The following PI4K2B variants were observed in gnomAD, a reference collection of about 807,000 sequenced individuals.
The protein encoded by PI4K2B is phosphatidylinositol 4-kinase type 2 beta.
In PI4K2B, 46 loss-of-function variants were observed where a neutral mutation model predicts 56.6. That is an observed-to-expected ratio of 0.81 (90% confidence interval 0.64 to 1.04). The LOEUF (loss-of-function observed/expected upper bound fraction) is 1.04, where lower values mean the gene tolerates loss of function less well. Ranked by LOEUF, PI4K2B falls within the 50% of genes least tolerant of loss-of-function variation. The pLI is 0.00. For missense variants in PI4K2B, 556 were observed against 607.7 expected, an observed-to-expected ratio of 0.91 and a Z score of 0.89; for synonymous variants, 211 against 223.8, an observed-to-expected ratio of 0.94 and a Z score of 0.51.
intron 1 of PI4K2B, among the ~76,000 whole-genome samples, chr4:25,234,804 G>C (rs1715179584): frequency 6.6e-6 from 1 of 152,250 alleles, no homozygotes; most frequent in Admixed American, 6.5e-5. Context: ...TCTCAGGAAA[G>C]TTCCCGGAGT....
Position 25,234,145 on chromosome 4 carries a change from G to T in PI4K2B, c.-19G>T. ...GCTGCTCTGATCTGGTCTCAGCGCG[G>T]AGGGAGCAGAGGGAGTCCATGGAGG... is the stretch of plus-strand genomic sequence containing the variant. On this transcript the variant is annotated 5_prime_UTR_variant, in exon 1 of 10. Coordinates refer to ENST00000264864, the MANE Select transcript of PI4K2B (RefSeq NM_018323.4). 1 of 1,321,166 alleles carries T rather than the reference G, an allele frequency of 7.6e-7. No homozygotes were observed. The allele number at this position is 1,321,166 out of a possible 1,614,324, so 81.8% of individuals were successfully genotyped here. A position where few individuals can be genotyped will look rare whatever the true frequency, so the allele number is the denominator to read the frequency against.
At chr4:25,244,534 A>C (rs1180862310) in intron 1 of PI4K2B, among the ~76,000 whole-genome samples, 1 of 152,156 alleles carries the variant, frequency 6.6e-6, no homozygotes, top group Non-Finnish European at 1.5e-5. Context: ...TTTCCCCATC[A>C]GAGAGAGAAT....
intron 9 of PI4K2B, among the ~76,000 whole-genome samples, chr4:25,272,991 T>C (rs1238529612): frequency 1.3e-5 from 2 of 152,222 alleles, no homozygotes; most frequent in African/African-American, 4.8e-5. Context: ...CCCTTCCAAT[T>C]TTGCTTATTA....
intron 1 of PI4K2B, among the ~76,000 whole-genome samples, chr4:25,240,296 CT>C (rs1321188091): frequency 6.6e-6 from 1 of 152,206 alleles, no homozygotes; most frequent in Non-Finnish European, 1.5e-5. Context: ...GCGAAGAGGT[CT>C]AGGCCTTGGC....
chr4:25,236,226 TAAATAAATAAA>T (rs1461617917), intron 1 of PI4K2B, among the ~76,000 whole-genome samples: 1 of 130,458 alleles, frequency 7.7e-6, no homozygotes, highest in African/African-American at 3.0e-5. Context: ...AATAAATAAA[TAAATAAATAAA>T]TAAATAAATA....
chr4:25,252,579 G>A (rs1193538085), intron 2 of PI4K2B, 104 bp downstream of exon 2: 1 of 851,228 alleles, frequency 1.2e-6, no homozygotes, highest in Non-Finnish European at 1.9e-6. Flanking sequence ...TATTAAGTCT[G>A]ATTGTAACCT....
chr4:25,246,441 A>G lies in PI4K2B; in HGVS notation c.269-5880A>G, dbSNP rs542049207. Among the ~76,000 whole-genome samples, 4 of 152,352 alleles carry G rather than the reference A, an allele frequency of 2.6e-5. No individual in the cohort carries two copies. In the South Asian group the frequency reaches 8.3e-4, roughly 32 times the overall value. ...TAGATTAGCTAGATACAGAGCACTGATTGGTGCATTTACAAACCTTGAGCT... is the reference window on the plus strand; with the variant it reads ...TAGATTAGCTAGATACAGAGCACTGGTTGGTGCATTTACAAACCTTGAGCT... On this transcript the variant is annotated intron_variant, in intron 1 of 9. Coordinates refer to ENST00000264864, the MANE Select transcript of PI4K2B (RefSeq NM_018323.4).
At chr4:25,248,882 A>C (rs1345964114) in intron 1 of PI4K2B, among the ~76,000 whole-genome samples, 1 of 152,084 alleles carries the variant, frequency 6.6e-6, no homozygotes, top group Non-Finnish European at 1.5e-5. Context: ...GCAGGGTCAT[A>C]GGACAATAGT....
Position 25,276,900 on chromosome 4 carries a change from G to C in PI4K2B, c.1273-114G>C, listed in dbSNP as rs566283957. 1.4e-4 allele frequency: 198 copies of C among 1,389,522 alleles called. 3 individuals are homozygous for C. The South Asian group carries it at 3.6e-3, about 25-fold the overall frequency. 86.1% of individuals were successfully genotyped at this position (1,389,522 alleles called of 1,614,324 possible). A position where few individuals can be genotyped will look rare whatever the true frequency, so the allele number is the denominator to read the frequency against. ...ACAGGTACTTATCTTCACAGTCTCT[G>C]TTGCTCATAAATGGATGAAATAAAA... On this transcript the variant is annotated intron_variant, in intron 9 of 9. Transcript: ENST00000264864.
intron 1 of PI4K2B, among the ~76,000 whole-genome samples, chr4:25,238,977 G>A (rs113200580): frequency 0.014 from 2,188 of 152,288 alleles, 34 homozygotes; most frequent in South Asian, 0.039. Context: ...TTGACAGGGT[G>A]CTGATTGGTG....
intron 7 of PI4K2B, among the ~76,000 whole-genome samples, chr4:25,267,415 C>T (rs1427098682): frequency 6.6e-6 from 1 of 152,252 alleles, no homozygotes; most frequent in Non-Finnish European, 1.5e-5. Context: ...GAGAGCCAGG[C>T]GCTGAGGCGC....
chr4:25,261,764 C>T (rs1398265685), intron 6 of PI4K2B, among the ~76,000 whole-genome samples: 3 of 152,038 alleles, frequency 2.0e-5, no homozygotes, highest in African/African-American at 7.2e-5. Flanking sequence ...AAAATGCAAA[C>T]TAGTTTCTAG....
intron 1 of PI4K2B, among the ~76,000 whole-genome samples, chr4:25,247,057 G>C (rs1436960542): frequency 6.6e-6 from 1 of 152,266 alleles, no homozygotes; most frequent in Non-Finnish European, 1.5e-5. Flanking sequence ...CCAGAAAGGG[G>C]CTCCCCCAGT....
At chr4:25,258,133 G>T (rs182085264) in intron 4 of PI4K2B, among the ~76,000 whole-genome samples, 1 of 151,394 alleles carries the variant, frequency 6.6e-6, no homozygotes, top group Admixed American at 6.6e-5. Flanking sequence ...TTTTAAAACC[G>T]CTATCAATAT....
At chr4:25,263,641 T>A in intron 6 of PI4K2B, 109 bp from the exon 7 acceptor site, 1 of 477,562 alleles carries the variant, frequency 2.1e-6, no homozygotes, top group Non-Finnish European at 3.8e-6. Flanking sequence ...TTTTATAGGC[T>A]CATCCGAGAG....
chr4:25,256,533 A>G lies in PI4K2B; in HGVS notation c.625-10A>G. 5.0e-6 allele frequency: 8 copies of G among 1,606,968 alleles called. No individual in the cohort carries two copies. Among genetic ancestry groups the G allele is most frequent in the East Asian group, 2.2e-5 (1 of 44,782 alleles). On this transcript the variant is annotated splice_polypyrimidine_tract_variant and intron_variant, in intron 3 of 9. Transcript: ENST00000264864. ...AATTCTAACCATTTTTCTGAATTGT[A>G]TGTTTCTAGGTGGTTTGGCTTGTCA...
intron 9 of PI4K2B, among the ~76,000 whole-genome samples, chr4:25,271,358 T>C (rs1374005829): frequency 6.6e-6 from 1 of 152,238 alleles, no homozygotes; most frequent in Admixed American, 6.5e-5. Context: ...AAATTGTGTA[T>C]GAAATGTTAA....
At chr4:25,249,745 G>A (rs955400643) in intron 1 of PI4K2B, among the ~76,000 whole-genome samples, 6 of 151,522 alleles carry the variant, frequency 4.0e-5, no homozygotes, top group Admixed American at 1.3e-4. Context: ...ACGGGGCGGC[G>A]GGGCAGAGGC....
At chr4:25,251,799 T>C (rs1716060764) in intron 1 of PI4K2B, among the ~76,000 whole-genome samples, 1 of 130,668 alleles carries the variant, frequency 7.7e-6, no homozygotes, top group Non-Finnish European at 1.6e-5. Context: ...ACAGTTAACT[T>C]CCTCCCATGT....
Sources: allele counts gnomAD v4.1 joint callset (sites outside exome capture counted in the v4.1 genomes callset), GRCh38; gene constraint gnomAD v4.1.1; transcripts MANE v1.5; gene names NCBI Gene and HGNC (gene_info 2026-07-23, HGNC 2026-07-21).